The following JMJD1C variants were observed in gnomAD, a reference collection of about 807,000 sequenced individuals.
JMJD1C encodes jumonji domain-containing protein 1C.
Under a neutral mutation model 245.3 loss-of-function variants are expected in JMJD1C, and 31 were observed. The ratio of observed to expected loss-of-function variants is 0.13; its 90% CI spans 0.09 to 0.17. JMJD1C has a LOEUF of 0.17. Ranked by LOEUF, JMJD1C falls within the 10% of genes least tolerant of loss-of-function variation. The probability of loss-of-function intolerance (pLI) is 1.00; values close to 1 mark genes in which losing one functional copy is unlikely to be tolerated. For missense variants in JMJD1C, 2,691 were observed against 3,000.2 expected, an observed-to-expected ratio of 0.90 and a Z score of 2.41; for synonymous variants, 1,057 against 1,017.4, an observed-to-expected ratio of 1.04 and a Z score of -0.74.
At chr10:63,337,715 C>G (rs1193618558) in intron 2 of JMJD1C, among the ~76,000 whole-genome samples, 1 of 152,034 alleles carries the variant, frequency 6.6e-6, no homozygotes, top group Non-Finnish European at 1.5e-5. Flanking sequence ...ATATAGATTA[C>G]AGATTCCCTC....
At chr10:63,423,231 C>T (rs1034658605) in intron 1 of JMJD1C, among the ~76,000 whole-genome samples, 3 of 149,426 alleles carry the variant, frequency 2.0e-5, no homozygotes, top group African/African-American at 5.1e-5. Context: ...TTCCAAACTG[C>T]TGGGATTACA....
In JMJD1C at chr10:63,168,021, TA is replaced by T; in HGVS notation, c.*23del. On this transcript the variant is annotated 3_prime_UTR_variant, in exon 26 of 26. Transcript: ENST00000399262. ...GTTAAGTAATCCCAGTTCAACAACCTAAAAATATCAAACTGGATCACACTTA... is the reference window on the plus strand; with the variant it reads ...GTTAAGTAATCCCAGTTCAACAACCTAAAATATCAAACTGGATCACACTTA... 2 of 1,383,786 alleles carry T rather than the reference TA, an allele frequency of 1.4e-6. No individual in the cohort carries two copies. 85.7% of individuals were successfully genotyped at this position (1,383,786 alleles called of 1,614,324 possible).
intron 2 of JMJD1C, among the ~76,000 whole-genome samples, chr10:63,352,902 T>C (rs537429027): frequency 6.6e-6 from 1 of 152,140 alleles, no homozygotes; most frequent in East Asian, 1.9e-4. Context: ...TGTGTGGAAT[T>C]TGGTAAAAGT....
chr10:63,462,387 T>C (rs928942173), intron 1 of JMJD1C, among the ~76,000 whole-genome samples: 2 of 152,236 alleles, frequency 1.3e-5, no homozygotes, highest in African/African-American at 2.4e-5. Flanking sequence ...AAATTATATA[T>C]GTTCATATTG....
intron 24 of JMJD1C, among the ~76,000 whole-genome samples, chr10:63,174,147 T>C (rs1564548517): frequency 1.3e-5 from 2 of 152,210 alleles, no homozygotes; most frequent in African/African-American, 4.8e-5. Flanking sequence ...TTAAATTTAA[T>C]CATACATTAT....
In JMJD1C at chr10:63,207,012, C is replaced by T. The variant is rs1846706943; in HGVS notation, c.4657G>A (p.Ala1553Thr). The T allele has an allele frequency of 6.2e-7, 1 of 1,613,848 alleles. No homozygotes were observed. Residue 1553 changes from alanine to threonine, a missense_variant, in exon 10 of 26, where the codon GCC (alanine) becomes ACC (threonine). Transcript: ENST00000399262. The part of the protein sequence containing the change: ...QPNYHTKLKK[A>T]WLTRHSEEDK... The stretch of plus-strand genomic sequence containing the variant: ...TCTTCTGAGTGTCTGGTGAGCCAGG[C>T]CTTTTTCAGTTTAGTATGGTAGTTT...
chr10:63,306,656 T>TA (rs59304951), intron 2 of JMJD1C, among the ~76,000 whole-genome samples: 3,769 of 152,294 alleles, frequency 0.025, 160 homozygotes, highest in African/African-American at 0.085. Context: ...TAAAAATATA[T>TA]AAGTACAATG....
intron 2 of JMJD1C, among the ~76,000 whole-genome samples, chr10:63,289,000 C>T (rs1002702591): frequency 4.6e-5 from 7 of 150,900 alleles, no homozygotes; most frequent in African/African-American, 7.3e-5. Context: ...ACTTTCTTTA[C>T]GTTTGCTTTC....
chr10:63,375,684 G>A (rs978653971), intron 2 of JMJD1C, among the ~76,000 whole-genome samples: 27 of 152,022 alleles, frequency 1.8e-4, no homozygotes, highest in African/African-American at 5.8e-4. Flanking sequence ...TCAAGTAGCT[G>A]AGACTATAGG....
chr10:63,443,118 A>G (rs1295700057), intron 1 of JMJD1C, among the ~76,000 whole-genome samples: 1 of 152,270 alleles, frequency 6.6e-6, no homozygotes, highest in Middle Eastern at 3.4e-3. Flanking sequence ...GCAATAACTC[A>G]CAGAACTCAG....
intron 10 of JMJD1C, chr10:63,204,771 G>A: frequency 1.0e-6 from 1 of 985,430 alleles, no homozygotes; most frequent in Non-Finnish European, 1.2e-6. Context: ...AGTTGAGTTT[G>A]TCCTTTGTTC....
In JMJD1C at chr10:63,263,352, C is replaced by G. The variant is rs368747383; in HGVS notation, c.447+1299G>C. 5.9e-5 allele frequency among the ~76,000 whole-genome samples: 9 copies of G among 152,200 alleles called. No individual in the cohort carries two copies. In the East Asian group the frequency reaches 1.7e-3, roughly 29 times the overall value. On this transcript the variant is annotated intron_variant, in intron 3 of 25. Transcript: ENST00000399262. Reference sequence around the variant, plus strand: ...TGAACTAACATCTCATTTTGGTGGACCTAAGAGAACTATTCTAATTCCCTA... The same window carrying G: ...TGAACTAACATCTCATTTTGGTGGAGCTAAGAGAACTATTCTAATTCCCTA...
chr10:63,184,275 C>G (rs1843840468), intron 21 of JMJD1C, among the ~76,000 whole-genome samples: 1 of 141,778 alleles, frequency 7.1e-6, no homozygotes, highest in African/African-American at 2.6e-5. Flanking sequence ...GAGTCTTGCT[C>G]TGTTGCCCAG....
chr10:63,228,698 AACTG>A lies in JMJD1C; in HGVS notation c.448-8719_448-8716del, dbSNP rs1233808232. On this transcript the variant is annotated intron_variant, in intron 3 of 25. Coordinates refer to ENST00000399262, the MANE Select transcript of JMJD1C (RefSeq NM_032776.3). ...TAAATATACTAATGCAATTTGATCT[AACTG>A]ACTGCAAACTCTTATTTCCACAAAT... 3.3e-5 allele frequency among the ~76,000 whole-genome samples: 5 copies of A among 152,308 alleles called. No individual in the cohort carries two copies. In the South Asian group the frequency reaches 6.2e-4, roughly 19 times the overall value.
At chr10:63,332,521 A>G (rs1473808297) in intron 2 of JMJD1C, among the ~76,000 whole-genome samples, 10 of 152,248 alleles carry the variant, frequency 6.6e-5, no homozygotes, top group Admixed American at 5.9e-4. Flanking sequence ...GATGGCAAAG[A>G]AGGCAGAGAA....
At chr10:63,314,257 G>C (rs1299609278) in intron 2 of JMJD1C, among the ~76,000 whole-genome samples, 1 of 152,142 alleles carries the variant, frequency 6.6e-6, no homozygotes, top group Non-Finnish European at 1.5e-5. Context: ...AGTTCCTTTA[G>C]AATCTTCTGT....
intron 3 of JMJD1C, among the ~76,000 whole-genome samples, chr10:63,232,362 T>A (rs1030426676): frequency 2.0e-5 from 3 of 152,050 alleles, no homozygotes; most frequent in African/African-American, 4.8e-5. Context: ...ATGTTAAAAA[T>A]TTTTTAAAAC....
At chr10:63,426,035 T>C (rs1399106299) in intron 1 of JMJD1C, among the ~76,000 whole-genome samples, 1 of 152,192 alleles carries the variant, frequency 6.6e-6, no homozygotes, top group Non-Finnish European at 1.5e-5. Flanking sequence ...ATTGTTCTTC[T>C]ATATTTATTT....
chr10:63,387,583 A>C (rs1947708159), intron 1 of JMJD1C, among the ~76,000 whole-genome samples: 1 of 148,400 alleles, frequency 6.7e-6, no homozygotes, highest in Non-Finnish European at 1.5e-5. Flanking sequence ...TCAGAACTTG[A>C]CAGACCTTTT....
Sources: allele counts gnomAD v4.1 joint callset (sites outside exome capture counted in the v4.1 genomes callset), GRCh38; gene constraint gnomAD v4.1.1; transcripts MANE v1.5; gene names NCBI Gene and HGNC (gene_info 2026-07-23, HGNC 2026-07-21).